Variants in ZC3H7B observed in about 807,000 individuals in gnomAD.
The protein encoded by ZC3H7B is zinc finger CCCH domain-containing protein 7B.
In ZC3H7B, 35 loss-of-function variants were observed where a neutral mutation model predicts 116.0. The observed-to-expected ratio is 0.30, with a 90% CI of 0.23 to 0.40. The LOEUF (loss-of-function observed/expected upper bound fraction) is 0.40, where lower values mean the gene tolerates loss of function less well. Among genes scored for constraint, ZC3H7B ranks in the 10% least tolerant of loss-of-function variants. The pLI, the probability that ZC3H7B is intolerant of heterozygous loss-of-function variation, is 1.00. For missense variants in ZC3H7B, 1,011 were observed against 1,321.5 expected (o/e 0.77, Z 3.64); for synonymous variants, 502 against 545.6 (o/e 0.92, Z 1.11).
intron 1 of ZC3H7B, among the ~76,000 whole-genome samples, chr22:41,307,404 ATGTTGGTTGTGTTGGTGCCG>A (rs1280786063): frequency 5.3e-5 from 8 of 151,828 alleles, no homozygotes; most frequent in African/African-American, 1.5e-4. Context: ...CTTTGCAGGC[ATGTTGGTTGTGTTGGTGCCG>A]TGTTGGTTGT....
At chr22:41,321,060 T>C (rs958290169) in intron 2 of ZC3H7B, among the ~76,000 whole-genome samples, 14 of 152,172 alleles carry the variant, frequency 9.2e-5, no homozygotes, top group Non-Finnish European at 2.1e-4. Context: ...GTCTCCGTGC[T>C]GGGACCTTCA....
At chr22:41,308,939 C>T (rs1358637515) in intron 1 of ZC3H7B, among the ~76,000 whole-genome samples, 2 of 151,956 alleles carry the variant, frequency 1.3e-5, no homozygotes, top group East Asian at 3.8e-4. Context: ...TCCTATCTTC[C>T]ATGGCTGGCT....
At chr22:41,314,567 A>G (rs920989161) in intron 1 of ZC3H7B, among the ~76,000 whole-genome samples, 1 of 151,968 alleles carries the variant, frequency 6.6e-6, no homozygotes, top group Non-Finnish European at 1.5e-5. Context: ...GATTACAGGC[A>G]TGAGTCACCA....
chr22:41,330,858 CTTTTTTT>C (rs1162413000), intron 6 of ZC3H7B, among the ~76,000 whole-genome samples: 2 of 128,660 alleles, frequency 1.6e-5, no homozygotes, highest in Non-Finnish European at 3.3e-5. Context: ...AGGAGAATCA[CTTTTTTT>C]TTTTTTTTTT....
intron 2 of ZC3H7B, among the ~76,000 whole-genome samples, chr22:41,324,629 A>G (rs1008643535): frequency 7.9e-5 from 12 of 152,170 alleles, no homozygotes; most frequent in Admixed American, 2.6e-4. Flanking sequence ...AGGGAGCATT[A>G]GCCACAGGAG....
rs2035977095 is a variant in ZC3H7B at position 41,302,268 on chromosome 22, G to A, written c.-7+496G>A. ...CAGCACCCGGAGTTGGAGGGGCCGCGGCGAGGGCCGGGGAGCGGGGCCGCC... is the reference window on the plus strand; with the variant it reads ...CAGCACCCGGAGTTGGAGGGGCCGCAGCGAGGGCCGGGGAGCGGGGCCGCC... On this transcript the variant is annotated intron_variant, in intron 1 of 22. Transcript: ENST00000352645. The surrounding 1 kb of genome is among the most constrained non-coding windows in gnomAD (Gnocchi z 5.7). Among the ~76,000 whole-genome samples the A allele has an allele frequency of 6.6e-6, 1 of 151,808 alleles. No homozygotes were observed. The highest frequency in any genetic ancestry group is 2.1e-4 in the South Asian group (1 of 4,826).
chr22:41,325,443 A>C, intron 2 of ZC3H7B, 121 bp from the exon 3 acceptor site: 1 of 1,323,164 alleles, frequency 7.6e-7, no homozygotes, highest in South Asian at 1.3e-5. Context: ...AGAAAACCGC[A>C]GTCTGTTCAC....
At chr22:41,319,181 C>A (rs1313665068) in intron 1 of ZC3H7B, among the ~76,000 whole-genome samples, 1 of 152,124 alleles carries the variant, frequency 6.6e-6, no homozygotes, top group East Asian at 1.9e-4. Context: ...GTGGGCAGAT[C>A]ACGAGGTCAG....
At chr22:41,333,884 T>A (rs1440417224) in intron 7 of ZC3H7B, 1 of 152,382 alleles carries the variant, frequency 6.6e-6, no homozygotes, top group African/African-American at 2.4e-5. Flanking sequence ...TGGGGAGACC[T>A]GGGCCATTGA....
At chr22:41,309,029 T>TTTTTTTTTTTGG (rs2036083617) in intron 1 of ZC3H7B, among the ~76,000 whole-genome samples, 1 of 139,324 alleles carries the variant, frequency 7.2e-6, no homozygotes, top group Non-Finnish European at 1.5e-5. Context: ...TTTTTTTTTT[T>TTTTTTTTTTTGG]GAGACGGAGT....
Position 41,325,728 on chromosome 22 carries a change from T to C in ZC3H7B, c.95T>C (p.Leu32Pro). 2.5e-6 allele frequency: 4 copies of C among 1,613,336 alleles called. No individual in the cohort carries two copies. Among genetic ancestry groups the C allele is most frequent in the Non-Finnish European group, 3.4e-6 (4 of 1,179,762 alleles). ...PLKQEEYEAF[L>P]LKLVQNLFAE... ...ACACCTTGCCCCCAACAGGCCTTTC[T>C]GCTCAAGCTGGTGCAGAATCTGTTT... is the stretch of plus-strand genomic sequence containing the variant. The change falls in exon 4 of 23, where the codon CTG (leucine) becomes CCG (proline). Residue 32 changes from leucine (L) to proline (P), a missense_variant. By Grantham distance (98) the Leu-to-Pro change is moderately conservative. Transcript: ENST00000352645.
In ZC3H7B at chr22:41,357,600, T is replaced by G; in HGVS notation, c.*171T>G. 1.1e-6 allele frequency: 1 copy of G among 923,544 alleles called. No homozygotes were observed. Among genetic ancestry groups the G allele is most frequent in the Non-Finnish European group, 1.6e-6 (1 of 633,164 alleles). 57.2% of individuals were successfully genotyped at this position (923,544 alleles called of 1,614,324 possible). A position where few individuals can be genotyped will look rare whatever the true frequency, so the allele number is the denominator to read the frequency against. ...CTCCCCACCACCGCCCCGGTGTGCG[T>G]ACCCAGGCGCACGTGCTGCAGCCCC... On this transcript the variant is annotated 3_prime_UTR_variant, in exon 23 of 23. Transcript: ENST00000352645. This position sits in a 1 kb window ranked among gnomAD's most constrained non-coding sequence, Gnocchi z 5.4.
rs533793931 is a variant in ZC3H7B at position 41,346,508 on chromosome 22, C to T, written c.1665+300C>T. ...AGCCAGTCATAGGCAGGGCTTGGCA[C>T]GTGGTTGTTTTCGTTTCTCATTCCT... On this transcript the variant is annotated intron_variant, in intron 14 of 22. Transcript: ENST00000352645. The surrounding 1 kb of genome is among the most constrained non-coding windows in gnomAD (Gnocchi z 5.3). Among the ~76,000 whole-genome samples, 3 of 152,214 alleles carry T rather than the reference C, an allele frequency of 2.0e-5. No homozygotes were observed. Among genetic ancestry groups the T allele is most frequent in the Non-Finnish European group, 4.4e-5 (3 of 68,040 alleles).
intron 13 of ZC3H7B, 75 bp downstream of exon 13, chr22:41,343,651 C>T: frequency 1.4e-6 from 2 of 1,469,168 alleles, no homozygotes; most frequent in East Asian, 2.5e-5. Context: ...CTCTACTCCC[C>T]ATCACAGGTA....
At chr22:41,321,141 C>T (rs918354046) in intron 2 of ZC3H7B, among the ~76,000 whole-genome samples, 3 of 151,850 alleles carry the variant, frequency 2.0e-5, no homozygotes, top group African/African-American at 7.3e-5. Context: ...TCCTGACCTC[C>T]TGGACTCAAG....
At chr22:41,355,118 C>G (rs2036697202) in intron 17 of ZC3H7B, among the ~76,000 whole-genome samples, 1 of 152,206 alleles carries the variant, frequency 6.6e-6, no homozygotes, top group South Asian at 2.1e-4. Flanking sequence ...GTTTCTAGAA[C>G]AGGCTGGATG....
intron 2 of ZC3H7B, among the ~76,000 whole-genome samples, chr22:41,322,860 G>A (rs2036274875): frequency 6.6e-6 from 1 of 151,846 alleles, no homozygotes; most frequent in South Asian, 2.1e-4. Context: ...TCAATCTCCC[G>A]GGCTCAAGCA....
chr22:41,341,841 A>C (rs2036526655), intron 11 of ZC3H7B, among the ~76,000 whole-genome samples: 1 of 152,154 alleles, frequency 6.6e-6, no homozygotes, highest in African/African-American at 2.4e-5. Context: ...AGGTGTGCAG[A>C]TCACAAGGTC....
chr22:41,356,863 G>A (rs1005489428), intron 22 of ZC3H7B, 55 bp downstream of exon 22: 4 of 1,606,250 alleles, frequency 2.5e-6, no homozygotes, highest in Admixed American at 3.3e-5. Flanking sequence ...AGGAGATGGA[G>A]TCCGTGGCCA....
Sources: gnomAD v4.1 joint callset for allele counts (sites outside exome capture counted in the v4.1 genomes callset) on GRCh38, gnomAD v4.1.1 for gene constraint, Gnocchi (gnomAD v3.1) non-coding constraint, MANE v1.5 for transcripts, NCBI Gene and HGNC (gene_info 2026-07-23, HGNC 2026-07-21) for gene names.